The following IL2RB variants were observed in gnomAD, a reference collection of about 807,000 sequenced individuals.
The protein encoded by IL2RB is interleukin-2 receptor subunit beta.
A neutral mutation model predicts 44.2 loss-of-function variants in IL2RB; 17 were observed. The ratio of observed to expected loss-of-function variants is 0.38; its 90% CI spans 0.26 to 0.58. The LOEUF is 0.58. Ranked by LOEUF, IL2RB falls within the 20% of genes least tolerant of loss-of-function variation. The probability of loss-of-function intolerance (pLI) is 0.63; values close to 1 mark genes in which losing one functional copy is unlikely to be tolerated. For missense variants in IL2RB, 624 were observed against 685.5 expected (o/e 0.91, Z 1.00); for synonymous variants, 286 against 297.9 (o/e 0.96, Z 0.41).
In IL2RB at chr22:37,170,091, TGGATGGA is replaced by T. The variant is rs1232265431; in HGVS notation, c.-34+4860_-34+4866del. ...AGGATGGGGGAGAAGGAAGGAAGAA[TGGATGGA>T]TGGATGGATGGATGGATGGATGGAT... On this transcript the variant is annotated intron_variant, in intron 1 of 5. Transcript: ENST00000429622. 3.5e-3 allele frequency among the ~76,000 whole-genome samples: 275 copies of T among 77,744 alleles called. 1 individual carries two copies. Among genetic ancestry groups the T allele is most frequent in the Admixed American group, 0.013 (105 of 8,008 alleles). The allele number at this position is 77,744 out of a possible 152,430, so 51.0% of individuals were successfully genotyped here. A position where few individuals can be genotyped will look rare whatever the true frequency, so the allele number is the denominator to read the frequency against.
At chr22:37,166,463 A>G (rs1020192139) in intron 1 of IL2RB, among the ~76,000 whole-genome samples, 1 of 152,044 alleles carries the variant, frequency 6.6e-6, no homozygotes, top group Admixed American at 6.6e-5. Context: ...GTTCTGTGCC[A>G]CCCCTGCTCC....
intron 1 of IL2RB, among the ~76,000 whole-genome samples, chr22:37,145,806 G>T (rs1922197015): frequency 6.6e-6 from 1 of 152,042 alleles, no homozygotes; most frequent in South Asian, 2.1e-4. Context: ...TCCATCTCGA[G>T]AGCTTCCAAG....
chr22:37,172,638 T>C (rs1923328096), intron 1 of IL2RB, among the ~76,000 whole-genome samples: 1 of 152,262 alleles, frequency 6.6e-6, no homozygotes, highest in Non-Finnish European at 1.5e-5. Context: ...GCCGCATTTC[T>C]AATGAAGGCT....
At chr22:37,130,059 ATGCACACACG>A (rs913167387) in intron 9 of IL2RB, among the ~76,000 whole-genome samples, 7 of 152,240 alleles carry the variant, frequency 4.6e-5, no homozygotes, top group African/African-American at 1.7e-4. Context: ...GCATGCACAC[ATGCACACACG>A]TGCACACACC....
chr22:37,128,386 G>A lies in IL2RB; in HGVS notation c.1366C>T (p.Pro456Ser), dbSNP rs546931798. The change falls in exon 10 of 10, where the codon CCC becomes TCC. Residue 456 changes from proline (P) to serine (S), a missense_variant. Transcript: ENST00000216223. The surrounding 1 kb of genome is among the most constrained non-coding windows in gnomAD (Gnocchi z 4.5). ...GGSGAGEERMPPSLQERVPRD... is the reference protein window; with the variant it reads ...GGSGAGEERMSPSLQERVPRD... ...GGGACTCTTTCTTGCAAAGAAGGGG[G>A]CATCCTCTCTTCACCGGCCCCACTG... The A allele has an allele frequency of 6.0e-6, 9 of 1,509,914 alleles. No individual in the cohort carries two copies. Among genetic ancestry groups the A allele is most frequent in the African/African-American group, 1.4e-5 (1 of 71,552 alleles). The allele number at this position is 1,509,914 out of a possible 1,614,324, so 93.5% of individuals were successfully genotyped here.
Position 37,148,496 on chromosome 22 carries a change from G to T in IL2RB, c.-34+1329C>A, listed in dbSNP as rs3218254. Among the ~76,000 whole-genome samples the T allele has an allele frequency of 5.0e-3, 765 of 152,244 alleles. 3 individuals are homozygous for T. The highest frequency in any genetic ancestry group is 0.014 in the Middle Eastern group (4 of 294). On this transcript the variant is annotated intron_variant, in intron 1 of 9. Transcript: ENST00000216223. ...ACTGGTCACACCCACGGATGCCTACGTCCCCACCACAGCCCTGCAAGGTGG... is the reference window on the plus strand; with the variant it reads ...ACTGGTCACACCCACGGATGCCTACTTCCCCACCACAGCCCTGCAAGGTGG...
chr22:37,139,543 C>T (rs1921864963), intron 4 of IL2RB, among the ~76,000 whole-genome samples: 1 of 152,130 alleles, frequency 6.6e-6, no homozygotes, highest in South Asian at 2.1e-4. Flanking sequence ...GCCTATGGGT[C>T]AAGGTAGTTT....
At chr22:37,171,357 A>C (rs1392016008) in intron 1 of IL2RB, among the ~76,000 whole-genome samples, 2 of 152,236 alleles carry the variant, frequency 1.3e-5, no homozygotes, top group Non-Finnish European at 2.9e-5. Context: ...GGCTTAGGAC[A>C]CAACAGTGAA....
chr22:37,172,055 T>C (rs1923303279), intron 1 of IL2RB, among the ~76,000 whole-genome samples: 1 of 79,214 alleles, frequency 1.3e-5, no homozygotes, highest in Non-Finnish European at 4.4e-5. Flanking sequence ...CCAGAGCTCC[T>C]GGGACAGATG....
In IL2RB at chr22:37,128,924, G is replaced by C; in HGVS notation, c.904-76C>G. The C allele has an allele frequency of 6.8e-7, 1 of 1,475,760 alleles. No homozygotes were observed. The allele number at this position is 1,475,760 out of a possible 1,614,324, so 91.4% of individuals were successfully genotyped here. A position where few individuals can be genotyped will look rare whatever the true frequency, so the allele number is the denominator to read the frequency against. ...CACCCCTTCCTCTGGACTCTCAACA[G>C]CTCCTAACTCCTCCTCCTCCTGAAG... On this transcript the variant is annotated intron_variant, in intron 9 of 9. Coordinates refer to ENST00000216223, the MANE Select transcript of IL2RB (RefSeq NM_000878.5). The surrounding 1 kb of genome is among the most constrained non-coding windows in gnomAD (Gnocchi z 4.5).
chr22:37,167,470 C>T (rs1923124202), intron 1 of IL2RB, among the ~76,000 whole-genome samples: 1 of 152,270 alleles, frequency 6.6e-6, no homozygotes, highest in Admixed American at 6.5e-5. Context: ...ATCCAGGCCT[C>T]CTCGCCATGG....
chr22:37,145,879 T>C (rs370788931), intron 1 of IL2RB, among the ~76,000 whole-genome samples: 2 of 151,892 alleles, frequency 1.3e-5, no homozygotes, highest in African/African-American at 4.8e-5. Context: ...AAACTCGAGC[T>C]CTCACTCCCC....
chr22:37,135,679 C>G (rs1921652379), intron 7 of IL2RB, among the ~76,000 whole-genome samples: 1 of 152,164 alleles, frequency 6.6e-6, no homozygotes, highest in Admixed American at 6.5e-5. Flanking sequence ...CATGGGCCCC[C>G]CTGGTGAGCC....
At chr22:37,170,054 G>T (rs1923221042) in intron 1 of IL2RB, among the ~76,000 whole-genome samples, 1 of 11,760 alleles carries the variant, frequency 8.5e-5, no homozygotes, top group African/African-American at 1.5e-4. Flanking sequence ...AATGATGGGG[G>T]AGAAGGAAGG....
rs918379804 is a variant in IL2RB, at chr22:37,173,883, A to T, written c.-34+1075T>A. Among the ~76,000 whole-genome samples the T allele has an allele frequency of 3.3e-5, 5 of 152,246 alleles. No homozygotes were observed. In the East Asian group the frequency reaches 9.6e-4, roughly 29 times the overall value. On this transcript the variant is annotated intron_variant, in intron 1 of 5. Transcript: ENST00000429622. ...ATAACCAGGGGACGCTCAGGGATCC[A>T]GCTGCCTCTCACATCTGGGAAGATT...
At chr22:37,163,951 A>G (rs1221346092) in intron 1 of IL2RB, among the ~76,000 whole-genome samples, 11 of 152,240 alleles carry the variant, frequency 7.2e-5, no homozygotes. Context: ...CTCAGGTGGC[A>G]GCCAGCAGCA....
At chr22:37,162,724 C>T (rs190670213) in intron 1 of IL2RB, among the ~76,000 whole-genome samples, 102 of 152,256 alleles carry the variant, frequency 6.7e-4, no homozygotes, top group Non-Finnish European at 1.1e-3. Context: ...GACCCCCACC[C>T]CACCCCTCTA....
chr22:37,128,271 C>T lies in IL2RB; in HGVS notation c.1481G>A (p.Arg494Gln), dbSNP rs751611989. The T allele has an allele frequency of 6.0e-6, 9 of 1,498,302 alleles. No individual in the cohort carries two copies. Among genetic ancestry groups the T allele is most frequent in the South Asian group, 1.4e-5 (1 of 71,952 alleles). 92.8% of individuals were successfully genotyped at this position (1,498,302 alleles called of 1,614,324 possible). Residue 494 changes from arginine (R) to glutamine (Q), a missense_variant, in exon 10 of 10, where the codon CGA becomes CAA. By Grantham distance (43) the Arg-to-Gln change is conservative (BLOSUM62 1). This residue lies in a region of IL2RB where 291 missense variants were observed against 275.5 expected (regional missense o/e 1.06). Transcript: ENST00000216223. This position sits in a 1 kb window ranked among gnomAD's most constrained non-coding sequence, Gnocchi z 4.5. ...GTCAGGGACCTCCTCCCCAGCCTCTCGCAGCACCAGCTCAGGGGGTGGCTG... is the reference window on the plus strand; with the variant it reads ...GTCAGGGACCTCCTCCCCAGCCTCTTGCAGCACCAGCTCAGGGGGTGGCTG... Reference protein sequence around the residue: ...DFQPPPELVLREAGEEVPDAG... With the variant: ...DFQPPPELVLQEAGEEVPDAG...
At chr22:37,160,622 G>C (rs1922825519) in intron 1 of IL2RB, among the ~76,000 whole-genome samples, 1 of 150,222 alleles carries the variant, frequency 6.7e-6, no homozygotes, top group African/African-American at 2.5e-5. Flanking sequence ...CGGGTGGATT[G>C]CTTGAGCTCA....
Sources: allele counts gnomAD v4.1 joint callset (sites outside exome capture counted in the v4.1 genomes callset), GRCh38; gene constraint gnomAD v4.1.1; regional missense constraint gnomAD v4.1.1; non-coding constraint Gnocchi (gnomAD v3.1); transcripts MANE v1.5; gene names NCBI Gene and HGNC (gene_info 2026-07-23, HGNC 2026-07-21).